The following ZRANB3 variants were observed in gnomAD, a reference collection of about 807,000 sequenced individuals.
ZRANB3 encodes the protein DNA annealing helicase and endonuclease ZRANB3.
Under a neutral mutation model 133.8 loss-of-function variants are expected in ZRANB3, and 125 were observed. The observed-to-expected ratio is 0.93, with a 90% CI of 0.81 to 1.08. The LOEUF is 1.08. Ranked by LOEUF, ZRANB3 falls within the 50% of genes least tolerant of loss-of-function variation. The probability of loss-of-function intolerance (pLI) is 0.00; values close to 1 mark genes in which losing one functional copy is unlikely to be tolerated. For missense variants in ZRANB3, 1,229 were observed against 1,275.5 expected (o/e 0.96, Z 0.56); for synonymous variants, 387 against 432.7 (o/e 0.89, Z 1.31).
intron 15 of ZRANB3, among the ~76,000 whole-genome samples, chr2:135,220,567 G>T (rs187602425): frequency 6.6e-6 from 1 of 151,396 alleles, no homozygotes; most frequent in Admixed American, 6.6e-5. Context: ...GCATGGTGGC[G>T]TGCACCTGTA....
intron 2 of ZRANB3, among the ~76,000 whole-genome samples, chr2:135,448,567 C>A (rs1690131833): frequency 6.6e-6 from 1 of 152,108 alleles, no homozygotes; most frequent in African/African-American, 2.4e-5. Flanking sequence ...TGCTGATGTC[C>A]TCCATAAACA....
intron 3 of ZRANB3, among the ~76,000 whole-genome samples, chr2:135,362,474 TG>T (rs1685738832): frequency 6.6e-6 from 1 of 151,966 alleles, no homozygotes; most frequent in South Asian, 2.1e-4. Flanking sequence ...AGCAGCAGGA[TG>T]AGAGGAAAAA....
chr2:135,518,231 G>A (rs144411127), intron 1 of ZRANB3, among the ~76,000 whole-genome samples: 87 of 152,188 alleles, frequency 5.7e-4, no homozygotes, highest in African/African-American at 2.0e-3. Flanking sequence ...TAGAACACTT[G>A]GCTCCCTAGC....
At chr2:135,284,851 CTT>C (rs111589193) in intron 8 of ZRANB3, among the ~76,000 whole-genome samples, 2 of 144,088 alleles carry the variant, frequency 1.4e-5, no homozygotes, top group African/African-American at 2.5e-5. Flanking sequence ...CTTTTCTTTT[CTT>C]TTTTTTTTTG....
At chr2:135,209,299 G>A (rs1429323772) in intron 17 of ZRANB3, among the ~76,000 whole-genome samples, 3 of 152,124 alleles carry the variant, frequency 2.0e-5, no homozygotes, top group Non-Finnish European at 2.9e-5. Flanking sequence ...TCAAATACAC[G>A]CACAACTGAC....
chr2:135,524,296 G>A (rs13391705), intron 1 of ZRANB3, among the ~76,000 whole-genome samples: 28 of 152,024 alleles, frequency 1.8e-4, no homozygotes, highest in African/African-American at 6.5e-4. Context: ...TAGTCAGGCT[G>A]GTCTCGAACT....
Position 135,233,822 on chromosome 2 carries a change from C to T in ZRANB3, c.1540-2895G>A, listed in dbSNP as rs1019993867. ...TAAACATGGAAAGGAACAACCAGTA[C>T]AAGCCACTGCAAAAACATGCCAAAT... On this transcript the variant is annotated intron_variant, in intron 12 of 20. Transcript: ENST00000264159. Among the ~76,000 whole-genome samples the T allele has an allele frequency of 7.2e-5, 11 of 152,258 alleles. 1 individual carries two copies. The South Asian group carries it at 1.2e-3, about 17-fold the overall frequency.
intron 8 of ZRANB3, among the ~76,000 whole-genome samples, chr2:135,276,276 T>C (rs1313759174): frequency 6.6e-6 from 1 of 150,688 alleles, no homozygotes; most frequent in East Asian, 2.0e-4. Flanking sequence ...TAGGTAGACT[T>C]ACAAATAAGC....
chr2:135,491,579 T>C (rs1355396845), intron 2 of ZRANB3, among the ~76,000 whole-genome samples: 1 of 152,030 alleles, frequency 6.6e-6, no homozygotes, highest in African/African-American at 2.4e-5. Flanking sequence ...AGTGGCGCAA[T>C]CTCAGCTCAC....
At chr2:135,327,882 AT>A (rs1683914797) in intron 6 of ZRANB3, among the ~76,000 whole-genome samples, 1 of 152,172 alleles carries the variant, frequency 6.6e-6, no homozygotes, top group Non-Finnish European at 1.5e-5. Context: ...ATATCAAAAA[AT>A]GTCCTAAGAT....
At chr2:135,517,632 T>TC (rs1298987860) in intron 1 of ZRANB3, among the ~76,000 whole-genome samples, 1 of 152,186 alleles carries the variant, frequency 6.6e-6, no homozygotes, top group Non-Finnish European at 1.5e-5. Context: ...TGCTGCCTGT[T>TC]CCTTCCTCTG....
intron 2 of ZRANB3, among the ~76,000 whole-genome samples, chr2:135,453,333 T>C (rs192127778): frequency 2.0e-5 from 3 of 152,338 alleles, no homozygotes; most frequent in Admixed American, 2.0e-4. Flanking sequence ...ATTTTCTCCA[T>C]GGTCTTTTGG....
At chr2:135,520,195 C>A (rs1325699403) in intron 1 of ZRANB3, among the ~76,000 whole-genome samples, 1 of 151,104 alleles carries the variant, frequency 6.6e-6, no homozygotes, top group African/African-American at 2.4e-5. Flanking sequence ...ACCAGCCTGG[C>A]AAACATAGCG....
intron 2 of ZRANB3, among the ~76,000 whole-genome samples, chr2:135,492,017 T>C (rs1209096234): frequency 6.6e-6 from 1 of 152,134 alleles, no homozygotes; most frequent in African/African-American, 2.4e-5. Context: ...AAAACATTAG[T>C]TATAAAGATA....
At chr2:135,283,005 C>A (rs1681165116) in intron 8 of ZRANB3, among the ~76,000 whole-genome samples, 1 of 152,180 alleles carries the variant, frequency 6.6e-6, no homozygotes, top group South Asian at 2.1e-4. Context: ...CTAATCTAGG[C>A]CAGACACAGC....
At chr2:135,372,884 C>A (rs939242412) in intron 3 of ZRANB3, among the ~76,000 whole-genome samples, 1 of 150,432 alleles carries the variant, frequency 6.6e-6, no homozygotes, top group African/African-American at 2.4e-5. Flanking sequence ...GAGTTTGAGA[C>A]CAGCCTGGGC....
At chr2:135,442,148 G>A (rs1689809585) in intron 2 of ZRANB3, among the ~76,000 whole-genome samples, 1 of 152,104 alleles carries the variant, frequency 6.6e-6, no homozygotes, top group Admixed American at 6.6e-5. Context: ...GAGACTTCAG[G>A]ACTAAAACAC....
At chr2:135,205,301 G>A (rs1693813564) in intron 19 of ZRANB3, among the ~76,000 whole-genome samples, 1 of 152,058 alleles carries the variant, frequency 6.6e-6, no homozygotes, top group Admixed American at 6.6e-5. Context: ...ATACGGTCTC[G>A]CTCTGTTGCC....
intron 2 of ZRANB3, among the ~76,000 whole-genome samples, chr2:135,468,231 TC>T (rs1341963264): frequency 6.6e-6 from 1 of 152,212 alleles, no homozygotes; most frequent in Admixed American, 6.5e-5. Flanking sequence ...AAAAACATCT[TC>T]TGGAATATAT....
Sources: allele counts gnomAD v4.1 joint callset (sites outside exome capture counted in the v4.1 genomes callset), GRCh38; gene constraint gnomAD v4.1.1; transcripts MANE v1.5; gene names NCBI Gene and HGNC (gene_info 2026-07-23, HGNC 2026-07-21).